Variants in SNAP23 observed in about 807,000 individuals in gnomAD.
The protein encoded by SNAP23 is synaptosomal-associated protein 23.
SNAP23 carries 11 observed loss-of-function variants against 29.0 expected under a neutral mutation model. That is an observed-to-expected ratio of 0.38 (90% CI 0.24 to 0.63). The LOEUF (loss-of-function observed/expected upper bound fraction) is 0.63, where lower values mean the gene tolerates loss of function less well. Ranked by LOEUF, SNAP23 falls within the 20% of genes least tolerant of loss-of-function variation. The probability of loss-of-function intolerance (pLI) is 0.58; values close to 1 mark genes in which losing one functional copy is unlikely to be tolerated. For synonymous variants in SNAP23, 60 were observed against 82.9 expected, an observed-to-expected ratio of 0.72 and a Z score of 1.50; for missense variants, 220 against 253.9, an observed-to-expected ratio of 0.87 and a Z score of 0.91.
chr15:42,518,449 T>C (rs1453382650), intron 5 of SNAP23, among the ~76,000 whole-genome samples: 3 of 150,946 alleles, frequency 2.0e-5, no homozygotes, highest in South Asian at 4.2e-4. Context: ...TTTTTTTTTT[T>C]TCTCGAGACA....
At chr15:42,514,632 A>G (rs571641274) in intron 4 of SNAP23, among the ~76,000 whole-genome samples, 32 of 152,244 alleles carry the variant, frequency 2.1e-4, no homozygotes, top group Middle Eastern at 6.8e-3. Context: ...GACCTCGTCA[A>G]AGTACCCTTA....
chr15:42,507,018 A>G (rs1326786564), intron 1 of SNAP23, among the ~76,000 whole-genome samples: 3 of 151,842 alleles, frequency 2.0e-5, no homozygotes, highest in South Asian at 2.1e-4. Context: ...GGGTCTCACT[A>G]TGTTGCCCAG....
chr15:42,493,562 T>C (rs186090885), upstream of SNAP23, among the ~76,000 whole-genome samples: 23 of 152,110 alleles, frequency 1.5e-4, no homozygotes, highest in Non-Finnish European at 1.0e-4. Context: ...CTAAATGAAC[T>C]AATGAACTCA....
chr15:42,507,407 A>G (rs775351117), intron 1 of SNAP23, among the ~76,000 whole-genome samples: 55 of 152,224 alleles, frequency 3.6e-4, no homozygotes, highest in Non-Finnish European at 7.1e-4. Context: ...CAAGTGAACC[A>G]TAGCATGAGA....
chr15:42,508,538 TCA>T (rs2057333614), intron 1 of SNAP23, among the ~76,000 whole-genome samples: 3 of 152,276 alleles, frequency 2.0e-5, no homozygotes, highest in East Asian at 3.9e-4. Flanking sequence ...TGTTGTCTGG[TCA>T]GGGAAGAAAA....
chr15:42,508,650 A>G (rs893219703), intron 1 of SNAP23, among the ~76,000 whole-genome samples: 4 of 152,158 alleles, frequency 2.6e-5, no homozygotes, highest in Non-Finnish European at 4.4e-5. Flanking sequence ...TCCATCTCCC[A>G]GTTATATCTG....
intron 1 of SNAP23, among the ~76,000 whole-genome samples, chr15:42,497,366 G>T (rs959564143): frequency 1.3e-5 from 2 of 152,000 alleles, no homozygotes; most frequent in African/African-American, 4.8e-5. Flanking sequence ...CTGCCACCAG[G>T]CCTGGCTAAT....
chr15:42,529,994 C>T (rs2057546779), intron 7 of SNAP23, among the ~76,000 whole-genome samples, 175 bp downstream of exon 7: 1 of 152,160 alleles, frequency 6.6e-6, no homozygotes, highest in Admixed American at 6.5e-5. Flanking sequence ...TCCTCCCTGT[C>T]ATGGTAGTTG....
intron 1 of SNAP23, among the ~76,000 whole-genome samples, chr15:42,508,174 G>T (rs970062820): frequency 2.6e-5 from 4 of 151,664 alleles, no homozygotes; most frequent in African/African-American, 9.7e-5. Context: ...CTAAATGGGA[G>T]GATTGCTTGA....
chr15:42,529,740 G>A lies in SNAP23; in HGVS notation c.491G>A (p.Gly164Glu). ...ENLTQVGSIL[G>E]NLKDMALNIG... is the part of the protein sequence containing the mutation. ...CTGACTCAAGTGGGCAGTATCCTGG[G>A]AAATCTAAAAGACATGGCCCTGAAC... Residue 164 changes from glycine to glutamate, a missense_variant, in exon 7 of 8, where the codon GGA becomes GAA. Gly to Glu is a moderately conservative substitution (Grantham distance 98). Transcript: ENST00000249647. 6.2e-7 allele frequency: 1 copy of A among 1,614,080 alleles called. No homozygotes were observed. The highest frequency in any genetic ancestry group is 1.1e-5 in the South Asian group (1 of 91,084).
chr15:42,514,874 G>A (rs1019919020), intron 4 of SNAP23, among the ~76,000 whole-genome samples: 4 of 151,830 alleles, frequency 2.6e-5, no homozygotes, highest in Admixed American at 6.6e-5. Flanking sequence ...GCTAATTTTT[G>A]TATTTTTAGT....
chr15:42,508,517 CT>C (rs2057333292), intron 1 of SNAP23, among the ~76,000 whole-genome samples: 1 of 152,116 alleles, frequency 6.6e-6, no homozygotes, highest in Non-Finnish European at 1.5e-5. Flanking sequence ...ATATCTGTTA[CT>C]TGTCTTGCGT....
intron 1 of SNAP23, among the ~76,000 whole-genome samples, chr15:42,510,310 A>G (rs2057350243): frequency 6.6e-6 from 1 of 151,844 alleles, no homozygotes; most frequent in African/African-American, 2.4e-5. Context: ...TAATTTTTGT[A>G]TATTTGGTAG....
chr15:42,514,949 C>T (rs962970309), intron 4 of SNAP23, among the ~76,000 whole-genome samples: 2 of 152,158 alleles, frequency 1.3e-5, no homozygotes, highest in Non-Finnish European at 1.5e-5. Context: ...TCATCGCCCA[C>T]CTCGGCCTCC....
chr15:42,527,919 T>G (rs2057518917), intron 5 of SNAP23: 1 of 220,624 alleles, frequency 4.5e-6, no homozygotes, highest in African/African-American at 2.3e-5. Flanking sequence ...TAGATAGTGC[T>G]GGATACACTA....
chr15:42,497,900 G>T (rs1318795445), intron 1 of SNAP23, among the ~76,000 whole-genome samples: 1 of 152,170 alleles, frequency 6.6e-6, no homozygotes, highest in Non-Finnish European at 1.5e-5. Flanking sequence ...CAAAACAAAG[G>T]GGCTACCGGC....
chr15:42,508,047 A>G (rs970121148), intron 1 of SNAP23, among the ~76,000 whole-genome samples: 23 of 151,978 alleles, frequency 1.5e-4, no homozygotes, highest in Admixed American at 1.3e-4. Context: ...CTTGACCCCA[A>G]AAGTTTCAGA....
intron 5 of SNAP23, chr15:42,521,414 T>G: frequency 2.1e-6 from 2 of 968,724 alleles, no homozygotes; most frequent in Non-Finnish European, 2.5e-6. Context: ...TGTGCTCTGG[T>G]TTAAATAGTT....
chr15:42,531,123 G>C (rs2057560825), intron 7 of SNAP23, among the ~76,000 whole-genome samples: 1 of 152,168 alleles, frequency 6.6e-6, no homozygotes, highest in Admixed American at 6.5e-5. Flanking sequence ...AAATGCCATT[G>C]ATTACAGGAT....
Sources: gnomAD v4.1 joint callset for allele counts (sites outside exome capture counted in the v4.1 genomes callset) on GRCh38, gnomAD v4.1.1 for gene constraint, MANE v1.5 for transcripts, NCBI Gene and HGNC (gene_info 2026-07-23, HGNC 2026-07-21) for gene names.